Variants in PSD3 observed in about 807,000 individuals in gnomAD.
The protein encoded by PSD3 is pleckstrin and Sec7 domain containing 3.
PSD3 carries 49 observed loss-of-function variants against 105.5 expected under a neutral mutation model. The observed-to-expected ratio is 0.46, with a 90% CI of 0.37 to 0.59. The LOEUF is 0.59. Among genes scored for constraint, PSD3 ranks in the 20% least tolerant of loss-of-function variants. PSD3 has a pLI of 0.00. For missense variants in PSD3, 1,561 were observed against 1,263.8 expected (o/e 1.24, Z -3.57); for synonymous variants, 557 against 457.8 (o/e 1.22, Z -2.77).
chr8:18,560,767 G>C (rs545050844), intron 14 of PSD3, among the ~76,000 whole-genome samples: 1 of 152,218 alleles, frequency 6.6e-6, no homozygotes, highest in South Asian at 2.1e-4. Context: ...AGAAAACAAA[G>C]CAATTAAAAA....
intron 2 of PSD3, among the ~76,000 whole-genome samples, chr8:18,893,608 G>A (rs1226680837): frequency 2.7e-5 from 4 of 147,900 alleles, no homozygotes; most frequent in Admixed American, 6.9e-5. Context: ...TGAGGGTATC[G>A]GTGGGCTAGA....
At chr8:18,998,278 A>G (rs996370676) in intron 1 of PSD3, among the ~76,000 whole-genome samples, 2 of 152,030 alleles carry the variant, frequency 1.3e-5, no homozygotes, top group Non-Finnish European at 2.9e-5. Context: ...AACCACATAC[A>G]AAATCTGGCC....
chr8:19,038,587 A>G (rs1828023038), intron 1 of PSD3, among the ~76,000 whole-genome samples: 1 of 152,126 alleles, frequency 6.6e-6, no homozygotes, highest in South Asian at 2.1e-4. Context: ...CAGCCTTCTG[A>G]ATAGCTGAAA....
Position 18,588,756 on chromosome 8 carries a change from C to T in PSD3, c.2481+11608G>A, listed in dbSNP as rs192261925. ...TTACAAAGTTGTTCCCTTGTCAATA[C>T]TAACCCATTCTCCATCTTGATGACT... On this transcript the variant is annotated intron_variant, in intron 12 of 15. Transcript: ENST00000327040. Among the ~76,000 whole-genome samples, 5 of 152,320 alleles carry T rather than the reference C, an allele frequency of 3.3e-5. No individual in the cohort carries two copies. The East Asian group carries it at 9.6e-4, about 29-fold the overall frequency.
In PSD3 at chr8:18,593,244, CAG is replaced by C. The variant is rs1318976801; in HGVS notation, c.2481+7118_2481+7119del. Among the ~76,000 whole-genome samples the C allele has an allele frequency of 3.9e-5, 6 of 152,278 alleles. No homozygotes were observed. In the East Asian group the frequency reaches 1.2e-3, roughly 29 times the overall value. ...ACTCATCTGACAAAGGGCTAATATC[CAG>C]AGTCTACAATGAACTCAAACAAATT... On this transcript the variant is annotated intron_variant, in intron 12 of 15. Coordinates refer to ENST00000327040, the MANE Select transcript of PSD3 (RefSeq NM_015310.4).
chr8:18,853,536 CA>C (rs1261913936), intron 4 of PSD3, among the ~76,000 whole-genome samples: 14 of 151,614 alleles, frequency 9.2e-5, no homozygotes, highest in African/African-American at 1.5e-4. Context: ...CCCTCAGCTC[CA>C]GGGGGAAAAA....
At chr8:19,053,420 G>A (rs540514096) in intron 1 of PSD3, among the ~76,000 whole-genome samples, 1 of 152,148 alleles carries the variant, frequency 6.6e-6, no homozygotes, top group East Asian at 1.9e-4. Context: ...TTTAGAGAAA[G>A]CTTCATTTCT....
chr8:18,836,637 G>A (rs1341601411), intron 4 of PSD3, among the ~76,000 whole-genome samples: 3 of 152,098 alleles, frequency 2.0e-5, no homozygotes, highest in East Asian at 1.9e-4. Context: ...ATTTATGGAC[G>A]CTCCAGACCT....
chr8:19,060,234 AAG>A (rs1201587315), intron 1 of PSD3, among the ~76,000 whole-genome samples: 2 of 152,226 alleles, frequency 1.3e-5, no homozygotes, highest in Non-Finnish European at 1.5e-5. Flanking sequence ...AAAATTGAAA[AAG>A]AGAAAAAAAA....
At chr8:18,850,475 T>C (rs1230034083) in intron 4 of PSD3, among the ~76,000 whole-genome samples, 6 of 152,200 alleles carry the variant, frequency 3.9e-5, no homozygotes, top group Admixed American at 1.3e-4. Flanking sequence ...TTGATACTCA[T>C]CCTTAACACC....
intron 9 of PSD3, among the ~76,000 whole-genome samples, chr8:18,678,473 C>A (rs998000395): frequency 1.3e-5 from 2 of 152,236 alleles, no homozygotes; most frequent in African/African-American, 4.8e-5. Flanking sequence ...TAACTTCCAG[C>A]CAATCAAAAC....
Position 18,650,919 on chromosome 8 carries a change from G to A in PSD3, c.2216+4723C>T, listed in dbSNP as rs530217429. 4.1e-4 allele frequency among the ~76,000 whole-genome samples: 62 copies of A among 152,302 alleles called. 1 individual carries two copies. The highest frequency in any genetic ancestry group is 1.5e-3 in the African/African-American group (61 of 41,566). On this transcript the variant is annotated intron_variant, in intron 10 of 15. Transcript: ENST00000327040. ...GCCAGGCAGCATGGTGGTGCCATAG[G>A]AGGCCATAACAGCTGGGGAAAATCC...
intron 9 of PSD3, among the ~76,000 whole-genome samples, chr8:18,657,079 C>T (rs1250755258): frequency 6.6e-6 from 1 of 152,112 alleles, no homozygotes; most frequent in African/African-American, 2.4e-5. Flanking sequence ...TTCATTTACT[C>T]TGAGATAGAA....
intron 11 of PSD3, among the ~76,000 whole-genome samples, chr8:18,623,939 C>T (rs1159122085): frequency 6.6e-6 from 1 of 152,124 alleles, no homozygotes; most frequent in Non-Finnish European, 1.5e-5. Flanking sequence ...TTTCATTCAA[C>T]ATTACCACTG....
Position 18,530,461 on chromosome 8 carries a change from G to C in PSD3, c.*5282C>G, listed in dbSNP as rs1045719371. ...ATTTCTTCCAAGTCAAGCGAGTACG[G>C]ATGCGGCACCACGAGAGTGGTTTGA... On this transcript the variant is annotated 3_prime_UTR_variant, in exon 16 of 16. Coordinates refer to ENST00000327040, the MANE Select transcript of PSD3 (RefSeq NM_015310.4). The C allele has an allele frequency of 3.9e-5, 6 of 152,548 alleles. No individual in the cohort carries two copies. The highest frequency in any genetic ancestry group is 1.4e-4 in the African/African-American group (6 of 41,442). 9.4% of individuals were successfully genotyped at this position (152,548 alleles called of 1,614,324 possible). A position where few individuals can be genotyped will look rare whatever the true frequency, so the allele number is the denominator to read the frequency against.
At chr8:18,980,873 C>T (rs1295412836) in intron 1 of PSD3, among the ~76,000 whole-genome samples, 1 of 152,204 alleles carries the variant, frequency 6.6e-6, no homozygotes, top group Non-Finnish European at 1.5e-5. Flanking sequence ...CCACAGTGAA[C>T]CTCTTTCAGT....
intron 1 of PSD3, among the ~76,000 whole-genome samples, chr8:19,062,245 G>A (rs967093281): frequency 3.9e-5 from 6 of 152,286 alleles, no homozygotes; most frequent in Admixed American, 2.0e-4. Flanking sequence ...CAGAAGCGGC[G>A]GGGTCTCAGT....
chr8:18,679,303 G>A (rs1800249441), intron 9 of PSD3, among the ~76,000 whole-genome samples: 1 of 152,200 alleles, frequency 6.6e-6, no homozygotes, highest in South Asian at 2.1e-4. Flanking sequence ...ACAATGCAAA[G>A]GAAACAGCAA....
At chr8:18,860,080 G>A (rs1049820891) in intron 4 of PSD3, among the ~76,000 whole-genome samples, 6 of 151,994 alleles carry the variant, frequency 3.9e-5, no homozygotes, top group African/African-American at 1.5e-4. Context: ...CCTTTCATTT[G>A]AACATTTAGA....
Sources: allele counts gnomAD v4.1 joint callset (sites outside exome capture counted in the v4.1 genomes callset), GRCh38; gene constraint gnomAD v4.1.1; transcripts MANE v1.5; gene names NCBI Gene and HGNC (gene_info 2026-07-23, HGNC 2026-07-21).